The following ASAP1 variants were observed in gnomAD, a reference collection of about 807,000 sequenced individuals.
ASAP1 encodes arf-GAP with SH3 domain, ANK repeat and PH domain-containing protein 1.
ASAP1 carries 43 observed loss-of-function variants against 145.2 expected under a neutral mutation model. The ratio of observed to expected loss-of-function variants is 0.30; its 90% CI spans 0.23 to 0.38. ASAP1 has a LOEUF of 0.38. Ranked by LOEUF, ASAP1 falls within the 10% of genes least tolerant of loss-of-function variation. The pLI is 1.00. For synonymous variants in ASAP1, 546 were observed against 515.5 expected, an observed-to-expected ratio of 1.06 and a Z score of -0.80; for missense variants, 1,018 against 1,355.3, an observed-to-expected ratio of 0.75 and a Z score of 3.91.
In ASAP1 at chr8:130,440,200, A is replaced by C. The variant is rs777406890; in HGVS notation, c.-28+3260T>G. On this transcript the variant is annotated intron_variant, in intron 1 of 29. Coordinates refer to ENST00000518721, the MANE Select transcript of ASAP1 (RefSeq NM_018482.4). ...CCTCCTAAGTGGTCTTCCTGCTTCT[A>C]CACTTTGCCCCCTATGATCCATCCA... Among the ~76,000 whole-genome samples, 20 of 152,218 alleles carry C rather than the reference A, an allele frequency of 1.3e-4. No homozygotes were observed. In the South Asian group the frequency reaches 4.2e-3, roughly 32 times the overall value.
intron 5 of ASAP1, among the ~76,000 whole-genome samples, chr8:130,193,032 T>C (rs544004690): frequency 6.6e-6 from 1 of 152,284 alleles, no homozygotes; most frequent in South Asian, 2.1e-4. Context: ...ATTTATGTGA[T>C]AAAAGCAAGG....
At chr8:130,367,372 G>T (rs760364243) in intron 2 of ASAP1, among the ~76,000 whole-genome samples, 15 of 152,180 alleles carry the variant, frequency 9.9e-5, no homozygotes, top group Non-Finnish European at 2.1e-4. Context: ...CCAAGTAAAA[G>T]TAATTTGATG....
At chr8:130,380,874 C>T (rs1283540999) in intron 2 of ASAP1, among the ~76,000 whole-genome samples, 1 of 151,978 alleles carries the variant, frequency 6.6e-6, no homozygotes, top group African/African-American at 2.4e-5. Flanking sequence ...CGCACCACTA[C>T]ACCTGGCTAC....
chr8:130,153,355 A>G (rs1335504797), intron 12 of ASAP1, among the ~76,000 whole-genome samples: 1 of 47,200 alleles, frequency 2.1e-5, no homozygotes. Context: ...ATATATATAT[A>G]TATGTATATA....
At chr8:130,364,116 CCAAG>C (rs1220238955) in intron 2 of ASAP1, among the ~76,000 whole-genome samples, 1 of 152,122 alleles carries the variant, frequency 6.6e-6, no homozygotes, top group African/African-American at 2.4e-5. Flanking sequence ...TTTAAATACT[CCAAG>C]CAAAACCACT....
At chr8:130,273,990 C>CTGAGT (rs1820733263) in intron 3 of ASAP1, among the ~76,000 whole-genome samples, 1 of 152,202 alleles carries the variant, frequency 6.6e-6, no homozygotes, top group Admixed American at 6.5e-5. Flanking sequence ...GTAAAGAGAC[C>CTGAGT]TGAGTTCTAG....
In ASAP1 at chr8:130,054,545, C is replaced by A; in HGVS notation, c.*186G>T. On this transcript the variant is annotated 3_prime_UTR_variant, in exon 30 of 30. Transcript: ENST00000518721. ...GTAAGGCGCGCCGGGTCCGAGGCTA[C>A]CCTCATACTGGTGAAGGCAGAAAAC... 1.8e-6 allele frequency: 1 copy of A among 545,666 alleles called. No individual in the cohort carries two copies. 33.8% of individuals were successfully genotyped at this position (545,666 alleles called of 1,614,324 possible).
chr8:130,371,877 A>G (rs1433640307), intron 2 of ASAP1, among the ~76,000 whole-genome samples: 1 of 152,230 alleles, frequency 6.6e-6, no homozygotes, highest in Non-Finnish European at 1.5e-5. Flanking sequence ...TACAGAGTTG[A>G]AATCTAATCC....
intron 3 of ASAP1, among the ~76,000 whole-genome samples, chr8:130,290,762 G>C (rs893877139): frequency 6.6e-6 from 1 of 152,166 alleles, no homozygotes; most frequent in African/African-American, 2.4e-5. Context: ...ATCCTTAACA[G>C]GATAATGATG....
intron 2 of ASAP1, among the ~76,000 whole-genome samples, chr8:130,399,910 C>T (rs527678127): frequency 3.3e-5 from 5 of 150,590 alleles, no homozygotes; most frequent in Admixed American, 2.0e-4. Flanking sequence ...ACCTCTGCCT[C>T]GCGGGTTCAA....
intron 3 of ASAP1, among the ~76,000 whole-genome samples, chr8:130,287,373 A>G (rs1821680648): frequency 6.6e-6 from 1 of 152,192 alleles, no homozygotes; most frequent in African/African-American, 2.4e-5. Context: ...TGCAGTATAG[A>G]TGATGGCACC....
At chr8:130,091,885 T>C in intron 25 of ASAP1, 88 bp downstream of exon 25, 1 of 1,371,732 alleles carries the variant, frequency 7.3e-7, no homozygotes, top group Non-Finnish European at 9.7e-7. Context: ...TGGCACACTT[T>C]CTGAATGTGC....
chr8:130,124,893 T>C (rs186013713), intron 17 of ASAP1, among the ~76,000 whole-genome samples: 1 of 152,230 alleles, frequency 6.6e-6, no homozygotes, highest in East Asian at 1.9e-4. Flanking sequence ...GTAATAGGTC[T>C]GTGTCTTTTC....
At chr8:130,433,516 A>G (rs1307470888) in intron 1 of ASAP1, among the ~76,000 whole-genome samples, 2 of 152,190 alleles carry the variant, frequency 1.3e-5, no homozygotes, top group African/African-American at 2.4e-5. Context: ...GTTGAGTGAC[A>G]CTGGTGCCAA....
At chr8:130,123,954 A>G in intron 18 of ASAP1, 59 bp downstream of exon 18, 1 of 1,302,808 alleles carries the variant, frequency 7.7e-7, no homozygotes, top group Non-Finnish European at 1.1e-6. Flanking sequence ...GTTTTTTGGA[A>G]GGGTAGAAAA....
At chr8:130,109,976 TG>T (rs1439572743) in intron 24 of ASAP1, among the ~76,000 whole-genome samples, 1 of 152,038 alleles carries the variant, frequency 6.6e-6, no homozygotes, top group Non-Finnish European at 1.5e-5. Context: ...TTGGGGGAAG[TG>T]GGGAAAGTAC....
At chr8:130,287,749 A>G (rs1294697087) in intron 3 of ASAP1, among the ~76,000 whole-genome samples, 2 of 152,188 alleles carry the variant, frequency 1.3e-5, no homozygotes, top group African/African-American at 4.8e-5. Context: ...ATTTAATAGA[A>G]CATTATTATA....
chr8:130,294,217 T>C (rs1822118853), intron 3 of ASAP1, among the ~76,000 whole-genome samples: 2 of 152,184 alleles, frequency 1.3e-5, no homozygotes, highest in Admixed American at 1.3e-4. Flanking sequence ...ACAAGAACAG[T>C]TCTGTGACTT....
chr8:130,107,491 CTCTCT>C (rs2097538989), intron 24 of ASAP1, among the ~76,000 whole-genome samples: 4 of 146,916 alleles, frequency 2.7e-5, no homozygotes, highest in Admixed American at 1.4e-4. Flanking sequence ...GGCCCATAGT[CTCTCT>C]TTTTTTTTTT....
Sources: allele counts gnomAD v4.1 joint callset (sites outside exome capture counted in the v4.1 genomes callset), GRCh38; gene constraint gnomAD v4.1.1; transcripts MANE v1.5; gene names NCBI Gene and HGNC (gene_info 2026-07-23, HGNC 2026-07-21).